Variants in FREM1 observed in about 807,000 individuals in gnomAD.
FREM1 encodes FRAS1 related extracellular matrix 1.
Under a neutral mutation model 210.1 loss-of-function variants are expected in FREM1, and 220 were observed. The ratio of observed to expected loss-of-function variants is 1.05; its 90% CI spans 0.94 to 1.17. FREM1 has a LOEUF of 1.17. FREM1 is among the 50% of genes most tolerant of loss of function. The pLI is 0.00. For missense variants in FREM1, 3,454 were observed against 2,675.5 expected, an observed-to-expected ratio of 1.29 and a Z score of -6.42; for synonymous variants, 1,189 against 980.2, an observed-to-expected ratio of 1.21 and a Z score of -3.98.
chr9:14,803,538 T>C (rs1281648684), intron 19 of FREM1, among the ~76,000 whole-genome samples: 1 of 152,040 alleles, frequency 6.6e-6, no homozygotes, highest in Non-Finnish European at 1.5e-5. Context: ...TTAAAATTTA[T>C]TTTTATTATT....
intron 10 of FREM1, among the ~76,000 whole-genome samples, chr9:14,825,221 G>C (rs1053392609): frequency 6.6e-6 from 1 of 151,726 alleles, no homozygotes; most frequent in Non-Finnish European, 1.5e-5. Context: ...GGTGCAGGGG[G>C]TCACCCCTGT....
chr9:14,755,344 T>C lies in FREM1; in HGVS notation c.5407+1030A>G, dbSNP rs115771466. On this transcript the variant is annotated intron_variant, in intron 29 of 36. Coordinates refer to ENST00000380880, the MANE Select transcript of FREM1 (RefSeq NM_001379081.2). Reference sequence around the variant, plus strand: ...TACTTAGGCCATTTTCTTTTGCCTTTGCTCAACTCTTTATGAGTTAGTGGC... The same window carrying C: ...TACTTAGGCCATTTTCTTTTGCCTTCGCTCAACTCTTTATGAGTTAGTGGC... Among the ~76,000 whole-genome samples, 1,229 of 152,362 alleles carry C rather than the reference T, an allele frequency of 8.1e-3. 12 individuals are homozygous for C. The highest frequency in any genetic ancestry group is 0.027 in the African/African-American group (1,135 of 41,584).
Position 14,756,397 on chromosome 9 carries a change from G to C in FREM1, c.5384C>G (p.Ser1795Cys). ...AVGKDFTVIP[S>C]KLIQFDPGMS... ...ACCTGGGTCAAACTGAATCAGTTTAGATGGAATCACGGTGAAATCTTTTCC... is the reference window on the plus strand; with the variant it reads ...ACCTGGGTCAAACTGAATCAGTTTACATGGAATCACGGTGAAATCTTTTCC... The change falls in exon 29 of 37, where the codon TCT (serine) becomes TGT (cysteine). Residue 1795 changes from serine to cysteine, a missense_variant. Transcript: ENST00000380880. 1 of 1,601,588 alleles carries C rather than the reference G, an allele frequency of 6.2e-7. No homozygotes were observed. The highest frequency in any genetic ancestry group is 8.5e-7 in the Non-Finnish European group (1 of 1,173,692).
intron 19 of FREM1, among the ~76,000 whole-genome samples, chr9:14,802,908 T>G (rs1344436919): frequency 3.3e-5 from 5 of 152,182 alleles, no homozygotes; most frequent in Non-Finnish European, 7.3e-5. Flanking sequence ...TCAGGATGTT[T>G]TCATGACTGA....
chr9:14,753,521 G>A (rs912930205), intron 29 of FREM1, among the ~76,000 whole-genome samples: 1 of 152,060 alleles, frequency 6.6e-6, no homozygotes, highest in Non-Finnish European at 1.5e-5. Context: ...TATTTTTTTG[G>A]TTTGGTAGCA....
intron 23 of FREM1, among the ~76,000 whole-genome samples, chr9:14,787,016 T>C (rs538698294): frequency 2.6e-5 from 4 of 152,298 alleles, no homozygotes; most frequent in South Asian, 2.1e-4. Context: ...GAGTCAACTA[T>C]AGACAATGTC....
intron 3 of FREM1, among the ~76,000 whole-genome samples, chr9:14,861,135 A>G (rs1212300104): frequency 2.9e-5 from 4 of 139,558 alleles, no homozygotes; most frequent in African/African-American, 5.4e-5. Context: ...ATACACATAT[A>G]TACATATATA....
Position 14,747,110 on chromosome 9 carries a change from C to G in FREM1, c.6010-59G>C. On this transcript the variant is annotated intron_variant, in intron 33 of 36. Transcript: ENST00000380880. ...ATTGACTTAAGGAAAGTTGCTCACA[C>G]ATTCACCTCCTTTGGGTCTTCATTT... 3.1e-6 allele frequency: 5 copies of G among 1,608,054 alleles called. 1 individual carries two copies. The highest frequency in any genetic ancestry group is 4.3e-6 in the Non-Finnish European group (5 of 1,175,268).
At chr9:14,795,861 C>A (rs555174134) in intron 21 of FREM1, among the ~76,000 whole-genome samples, 11 of 152,152 alleles carry the variant, frequency 7.2e-5, no homozygotes, top group African/African-American at 2.7e-4. Flanking sequence ...AGTTTTTACC[C>A]CTCTCCAGTG....
chr9:14,907,805 A>G (rs558099077), intron 1 of FREM1, among the ~76,000 whole-genome samples: 1 of 152,352 alleles, frequency 6.6e-6, no homozygotes, highest in African/African-American at 2.4e-5. Flanking sequence ...TGTTTAGAAG[A>G]CTGAGTCATA....
At chr9:14,738,868 G>C (rs1411661098) in intron 36 of FREM1, among the ~76,000 whole-genome samples, 4 of 151,788 alleles carry the variant, frequency 2.6e-5, no homozygotes, top group South Asian at 2.1e-4. Context: ...AACTTAGCCA[G>C]GTGTGGTAGT....
At chr9:14,842,775 C>G in intron 8 of FREM1, 115 bp from the exon 9 acceptor site, 1 of 707,744 alleles carries the variant, frequency 1.4e-6, no homozygotes, top group Non-Finnish European at 2.4e-6. Flanking sequence ...CCCGTATTTC[C>G]CTCACCTGGA....
chr9:14,866,428 G>A lies in FREM1; in HGVS notation c.234+2316C>T, dbSNP rs138056249. On this transcript the variant is annotated intron_variant, in intron 2 of 36. Transcript: ENST00000380880. ...TTCTCTCAGAGAGACTGCCATATAC[G>A]GTAAGGAGTCATAGGCCATTTGAGG... Among the ~76,000 whole-genome samples, 11 of 152,236 alleles carry A rather than the reference G, an allele frequency of 7.2e-5. 1 individual carries two copies. Among genetic ancestry groups the A allele is most frequent in the African/African-American group, 1.4e-4 (6 of 41,556 alleles).
At position 14,740,242 on chromosome 9, in the gene FREM1, C is replaced by A. The variant is rs1192805591; in HGVS notation, c.6255-8G>T. On this transcript the variant is annotated splice_polypyrimidine_tract_variant and splice_region_variant and intron_variant, in intron 35 of 36. Transcript: ENST00000380880. Reference sequence around the variant, plus strand: ...ACAAGGTTGCCCAGGTATCTAAATGCAAATGAAAATGAGAGTATCAGCAAC... The same window carrying A: ...ACAAGGTTGCCCAGGTATCTAAATGAAAATGAAAATGAGAGTATCAGCAAC... 4.4e-6 allele frequency: 7 copies of A among 1,602,398 alleles called. No individual in the cohort carries two copies. The highest frequency in any genetic ancestry group is 4.5e-5 in the East Asian group (2 of 44,744).
intron 25 of FREM1, among the ~76,000 whole-genome samples, chr9:14,771,923 TG>T (rs1847638110): frequency 6.6e-6 from 1 of 152,056 alleles, no homozygotes; most frequent in African/African-American, 2.4e-5. Flanking sequence ...ATACTATTTT[TG>T]TTAAAAATAT....
chr9:14,789,046 C>T lies in FREM1; in HGVS notation c.4050G>A (p.Leu1350=), dbSNP rs370950903. ...KCTQEEVDLN[L]LRYTHTGAMD... Reference sequence around the variant, plus strand: ...TTGCCCCGGTGTGTGTGTATCTCAGCAAGTTCAGATCCACTTCCTCCTGAG... The same window carrying T: ...TTGCCCCGGTGTGTGTGTATCTCAGTAAGTTCAGATCCACTTCCTCCTGAG... The change falls in exon 23 of 37, where the codon TTG becomes TTA. Residue 1350 remains leucine, a synonymous_variant. Transcript: ENST00000380880. 4 of 1,609,656 alleles carry T rather than the reference C, an allele frequency of 2.5e-6. No individual in the cohort carries two copies. Among genetic ancestry groups the T allele is most frequent in the Admixed American group, 1.7e-5 (1 of 59,466 alleles).
intron 16 of FREM1, among the ~76,000 whole-genome samples, chr9:14,808,475 A>G (rs1818776398): frequency 2.0e-5 from 3 of 152,162 alleles, no homozygotes; most frequent in African/African-American, 7.2e-5. Flanking sequence ...TAATCATTTC[A>G]TGTTATGACC....
At chr9:14,857,852 C>A in intron 4 of FREM1, 103 bp from the exon 5 acceptor site, 1 of 727,906 alleles carries the variant, frequency 1.4e-6, no homozygotes, top group African/African-American at 1.8e-5. Flanking sequence ...CTCTCACTGC[C>A]TCAGGAACAC....
At chr9:14,837,146 AT>A (rs1243144718) in intron 10 of FREM1, among the ~76,000 whole-genome samples, 4 of 151,968 alleles carry the variant, frequency 2.6e-5, no homozygotes, top group Admixed American at 2.6e-4. Context: ...ATGTGTAGAA[AT>A]CAGGGTGCCC....
Sources: allele counts gnomAD v4.1 joint callset (sites outside exome capture counted in the v4.1 genomes callset), GRCh38; gene constraint gnomAD v4.1.1; transcripts MANE v1.5; gene names NCBI Gene and HGNC (gene_info 2026-07-23, HGNC 2026-07-21).